The following LY6S variants were observed in gnomAD, a reference collection of about 807,000 sequenced individuals.
The protein encoded by LY6S is lymphocyte antigen 6 family member S.
chr8:143,061,292 A>T, the LY6S span, among the ~76,000 whole-genome samples: 1 of 152,166 alleles, frequency 6.6e-6, no homozygotes, highest in African/African-American at 2.4e-5. Flanking sequence ...AATGAAAAGA[A>T]TGGGAAAAGA....
At chr8:143,066,913 A>G in the LY6S span, among the ~76,000 whole-genome samples, 2 of 152,212 alleles carry the variant, frequency 1.3e-5, no homozygotes, top group African/African-American at 2.4e-5. Context: ...TTAGATGTCT[A>G]TCTCTTCCAA....
At chr8:143,060,128 C>G in the LY6S span, among the ~76,000 whole-genome samples, 1 of 152,220 alleles carries the variant, frequency 6.6e-6, no homozygotes, top group Non-Finnish European at 1.5e-5. Context: ...GACAAGAGTG[C>G]GAGCCTTCTG....
chr8:143,065,744 C>CTT, the LY6S span, among the ~76,000 whole-genome samples: 204 of 103,582 alleles, frequency 2.0e-3, no homozygotes, highest in South Asian at 3.5e-3. Context: ...CTCTTTCTTT[C>CTT]TCTTTCTTTC....
At chr8:143,052,566 C>A in the LY6S span, among the ~76,000 whole-genome samples, 1 of 152,306 alleles carries the variant, frequency 6.6e-6, no homozygotes, top group East Asian at 1.9e-4. Flanking sequence ...TTTGTAGACA[C>A]CTTTACCGGT....
At chr8:143,056,171 T>C in the LY6S span, among the ~76,000 whole-genome samples, 1 of 148,258 alleles carries the variant, frequency 6.7e-6, no homozygotes, top group African/African-American at 2.5e-5. Flanking sequence ...GCACTATCAC[T>C]TGTTATTTAT....
At chr8:143,063,266 C>G in the LY6S span, among the ~76,000 whole-genome samples, 1 of 152,194 alleles carries the variant, frequency 6.6e-6, no homozygotes. Flanking sequence ...CACTCTTACC[C>G]AGAGCAGTGC....
the LY6S span, among the ~76,000 whole-genome samples, chr8:143,070,476 A>C: frequency 3.9e-5 from 3 of 76,914 alleles, no homozygotes; most frequent in African/African-American, 2.3e-4. Context: ...TATATATATA[A>C]ATATATATAT....
chr8:143,070,481 A>ATTTTTTT, the LY6S span, among the ~76,000 whole-genome samples: 1 of 85,466 alleles, frequency 1.2e-5, no homozygotes, highest in African/African-American at 7.4e-5. Flanking sequence ...ATATAAATAT[A>ATTTTTTT]TATATATATT....
At chr8:143,047,412 G>A in the LY6S span, among the ~76,000 whole-genome samples, 1 of 152,132 alleles carries the variant, frequency 6.6e-6, no homozygotes, top group African/African-American at 2.4e-5. Context: ...AAAGTGCTGG[G>A]ATTACAGGCA....
the LY6S span, chr8:143,042,909 C>A: frequency 1.0e-6 from 1 of 958,594 alleles, no homozygotes; most frequent in Non-Finnish European, 1.5e-6. Flanking sequence ...GGCTGGAGGG[C>A]CTGGGCCCAG....
At chr8:143,064,270 G>T in the LY6S span, among the ~76,000 whole-genome samples, 7 of 152,306 alleles carry the variant, frequency 4.6e-5, no homozygotes, top group Admixed American at 3.9e-4. Context: ...TTCAGGTAGC[G>T]GTGGCTGAGA....
the LY6S span, chr8:143,044,861 G>A: frequency 7.6e-7 from 1 of 1,307,770 alleles, no homozygotes; most frequent in Non-Finnish European, 1.0e-6. Flanking sequence ...CAATGCCCTG[G>A]TGAGAGTCCC....
the LY6S span, among the ~76,000 whole-genome samples, chr8:143,076,113 T>A: frequency 6.6e-6 from 1 of 152,218 alleles, no homozygotes; most frequent in Admixed American, 6.5e-5. Flanking sequence ...GGTGCCTGTG[T>A]GTTTGACTGA....
the LY6S span, among the ~76,000 whole-genome samples, chr8:143,071,634 T>C: frequency 2.0e-5 from 3 of 152,126 alleles, no homozygotes; most frequent in East Asian, 1.9e-4. Flanking sequence ...ATAGAGTCTA[T>C]TGATAAATAA....
the LY6S span, among the ~76,000 whole-genome samples, chr8:143,064,577 G>A: frequency 3.9e-5 from 6 of 152,170 alleles, no homozygotes; most frequent in Non-Finnish European, 7.3e-5. Context: ...TGAAATCCTG[G>A]TGGGAGCACA....
At chr8:143,054,466 C>T in the LY6S span, among the ~76,000 whole-genome samples, 4 of 152,170 alleles carry the variant, frequency 2.6e-5, no homozygotes, top group Non-Finnish European at 4.4e-5. Context: ...CTTTCACTTA[C>T]AGGCCAGAAA....
the LY6S span, chr8:143,056,926 TA>T: frequency 6.2e-6 from 1 of 160,962 alleles, no homozygotes; most frequent in African/African-American, 2.4e-5. Flanking sequence ...GTATCCAGAA[TA>T]AAATCAGTAG....
chr8:143,058,493 T>C, the LY6S span, among the ~76,000 whole-genome samples: 1 of 152,084 alleles, frequency 6.6e-6, no homozygotes, highest in African/African-American at 2.4e-5. Context: ...TCAGAGACTT[T>C]TAGTACTTTC....
the LY6S span, among the ~76,000 whole-genome samples, chr8:143,076,175 T>C: frequency 1.3e-5 from 2 of 152,224 alleles, no homozygotes; most frequent in African/African-American, 4.8e-5. Context: ...GGCTTACTGA[T>C]GTCACTAAAC....
Sources: gnomAD v4.1 joint callset for allele counts (sites outside exome capture counted in the v4.1 genomes callset) on GRCh38, gnomAD v4.1.1 for gene constraint, MANE v1.5 for transcripts, NCBI Gene and HGNC (gene_info 2026-07-23, HGNC 2026-07-21) for gene names.